The following LNPK variants were observed in gnomAD, a reference collection of about 807,000 sequenced individuals.
LNPK encodes endoplasmic reticulum junction formation protein lunapark.
A neutral mutation model predicts 55.2 loss-of-function variants in LNPK; 29 were observed. The ratio of observed to expected loss-of-function variants is 0.53; its 90% confidence interval spans 0.39 to 0.72. LNPK has a LOEUF of 0.72. Among genes scored for constraint, LNPK ranks in the 30% least tolerant of loss-of-function variants. The pLI is 0.00. For missense variants in LNPK, 467 were observed against 494.8 expected, an observed-to-expected ratio of 0.94 and a Z score of 0.53; for synonymous variants, 162 against 168.2, an observed-to-expected ratio of 0.96 and a Z score of 0.29.
intron 12 of LNPK, among the ~76,000 whole-genome samples, chr2:175,931,753 T>A (rs544999960): frequency 1.8e-4 from 28 of 152,294 alleles, no homozygotes; most frequent in African/African-American, 6.5e-4. Context: ...AGTAAGTCAC[T>A]TGAATTTTGT....
intron 8 of LNPK, among the ~76,000 whole-genome samples, chr2:175,957,827 T>G (rs1285160529): frequency 6.6e-6 from 1 of 152,186 alleles, no homozygotes; most frequent in Non-Finnish European, 1.5e-5. Flanking sequence ...TCACAGACAC[T>G]ACCTGGAAAA....
chr2:175,993,463 A>G (rs1687790391), intron 2 of LNPK, among the ~76,000 whole-genome samples: 1 of 152,212 alleles, frequency 6.6e-6, no homozygotes, highest in Admixed American at 6.5e-5. Flanking sequence ...AAGACTTTTA[A>G]TTCTGATAGC....
At chr2:175,953,356 A>G (rs1685513398) in intron 8 of LNPK, among the ~76,000 whole-genome samples, 1 of 151,988 alleles carries the variant, frequency 6.6e-6, no homozygotes, top group Admixed American at 6.6e-5. Flanking sequence ...TATAACCTCA[A>G]CCTTTCTCCT....
intron 4 of LNPK, among the ~76,000 whole-genome samples, chr2:175,987,344 T>C (rs1687470589): frequency 6.6e-6 from 1 of 152,178 alleles, no homozygotes. Context: ...TATGCAGCCA[T>C]AAAAAATGAT....
intron 8 of LNPK, among the ~76,000 whole-genome samples, chr2:175,960,512 A>G (rs960584144): frequency 1.3e-5 from 2 of 152,194 alleles, no homozygotes; most frequent in Non-Finnish European, 2.9e-5. Flanking sequence ...TGAAATCAAT[A>G]AGAACAAAGA....
Position 175,973,579 on chromosome 2 carries a change from T to C in LNPK, c.317-2775A>G, listed in dbSNP as rs111584070. Among the ~76,000 whole-genome samples, 316 of 152,352 alleles carry C rather than the reference T, an allele frequency of 2.1e-3. 1 individual carries two copies. Among genetic ancestry groups the C allele is most frequent in the Middle Eastern group, 6.8e-3 (2 of 294 alleles). On this transcript the variant is annotated intron_variant, in intron 5 of 12. Transcript: ENST00000272748. ...TACCAGCAGTAGTTACAGTACATCT[T>C]AGCAGATTCCACTTCAGGTTGTAGT...
intron 1 of LNPK, among the ~76,000 whole-genome samples, chr2:175,996,849 AATG>A (rs1484246192): frequency 6.6e-6 from 1 of 152,210 alleles, no homozygotes; most frequent in African/African-American, 2.4e-5. Flanking sequence ...CTTACTGGAC[AATG>A]ATTACACAAA....
At chr2:175,948,975 A>G (rs1380873966) in intron 8 of LNPK, among the ~76,000 whole-genome samples, 1 of 152,156 alleles carries the variant, frequency 6.6e-6, no homozygotes, top group Admixed American at 6.5e-5. Flanking sequence ...ATATTAACTA[A>G]TTGTTATGAG....
chr2:175,963,793 A>G (rs1225549077), intron 8 of LNPK, among the ~76,000 whole-genome samples: 3 of 152,058 alleles, frequency 2.0e-5, no homozygotes, highest in African/African-American at 7.2e-5. Context: ...AGTCTGGGGA[A>G]TATTTTATGT....
intron 1 of LNPK, 134 bp from the exon 2 acceptor site, chr2:175,995,780 G>C: frequency 5.2e-6 from 1 of 193,620 alleles, no homozygotes; most frequent in Non-Finnish European, 1.0e-5. Flanking sequence ...TTTGATTTCA[G>C]ACAGTTATTG....
intron 12 of LNPK, among the ~76,000 whole-genome samples, chr2:175,930,921 C>T (rs1684254064): frequency 6.6e-6 from 1 of 152,080 alleles, no homozygotes; most frequent in African/African-American, 2.4e-5. Context: ...CTAGTCCCTA[C>T]ATGAAAATTT....
At chr2:175,983,632 A>G (rs1409506075) in intron 4 of LNPK, among the ~76,000 whole-genome samples, 2 of 152,204 alleles carry the variant, frequency 1.3e-5, no homozygotes, top group Non-Finnish European at 2.9e-5. Context: ...ACCCAACTCT[A>G]TAATGTAAAT....
At chr2:175,985,307 G>A (rs757116653) in intron 4 of LNPK, among the ~76,000 whole-genome samples, 4 of 152,088 alleles carry the variant, frequency 2.6e-5, no homozygotes, top group African/African-American at 7.2e-5. Context: ...AGCTACAGGC[G>A]ATAAAATTGC....
At chr2:175,933,211 C>A (rs1162674535) in intron 12 of LNPK, among the ~76,000 whole-genome samples, 1 of 151,974 alleles carries the variant, frequency 6.6e-6, no homozygotes, top group Non-Finnish European at 1.5e-5. Context: ...GTTGTTTGGG[C>A]AAAGTCTCAA....
chr2:175,972,589 C>T (rs192096716), intron 5 of LNPK, among the ~76,000 whole-genome samples: 13 of 152,234 alleles, frequency 8.5e-5, no homozygotes, highest in African/African-American at 3.1e-4. Context: ...GATAACATTT[C>T]ACTTAATTGA....
At chr2:175,940,049 T>C (rs1003800684) in intron 9 of LNPK, among the ~76,000 whole-genome samples, 7 of 152,064 alleles carry the variant, frequency 4.6e-5, no homozygotes, top group African/African-American at 1.7e-4. Flanking sequence ...AGATTTAACG[T>C]CCCACCTAAA....
chr2:175,975,736 C>T (rs773017116), intron 5 of LNPK, among the ~76,000 whole-genome samples: 12 of 152,196 alleles, frequency 7.9e-5, no homozygotes, highest in South Asian at 4.1e-4. Flanking sequence ...TCCAGCTGGG[C>T]GCAGTGGCCC....
intron 4 of LNPK, among the ~76,000 whole-genome samples, chr2:175,991,270 G>C (rs1001826424): frequency 6.6e-6 from 1 of 151,974 alleles, no homozygotes; most frequent in Non-Finnish European, 1.5e-5. Context: ...AAAAAGATAA[G>C]GGAAACAAGG....
chr2:175,939,850 A>G (rs1427606161), intron 9 of LNPK, 193 bp from the exon 10 acceptor site: 1 of 458,520 alleles, frequency 2.2e-6, no homozygotes, highest in Admixed American at 3.9e-5. Context: ...AAATATATTT[A>G]AATATGTGCT....
Sources: gnomAD v4.1 joint callset for allele counts (sites outside exome capture counted in the v4.1 genomes callset) on GRCh38, gnomAD v4.1.1 for gene constraint, MANE v1.5 for transcripts, NCBI Gene and HGNC (gene_info 2026-07-23, HGNC 2026-07-21) for gene names.